DPP10: variants seen among roughly 807,000 people sequenced by gnomAD.
DPP10 encodes the protein dipeptidyl peptidase like 10, also known as inactive dipeptidyl peptidase 10.
DPP10 carries 33 observed loss-of-function variants against 120.9 expected under a neutral mutation model. The ratio of observed to expected loss-of-function variants is 0.27; its 90% CI spans 0.21 to 0.37. The LOEUF (loss-of-function observed/expected upper bound fraction) is 0.37, where lower values mean the gene tolerates loss of function less well. Ranked by LOEUF, DPP10 falls within the 10% of genes least tolerant of loss-of-function variation. The pLI is 1.00. For missense variants in DPP10, 816 were observed against 942.8 expected, an observed-to-expected ratio of 0.87 and a Z score of 1.76; for synonymous variants, 337 against 326.1, an observed-to-expected ratio of 1.03 and a Z score of -0.36.
At chr2:114,484,313 A>G (rs1423018767) in intron 1 of DPP10, among the ~76,000 whole-genome samples, 1 of 152,162 alleles carries the variant, frequency 6.6e-6, no homozygotes, top group Non-Finnish European at 1.5e-5. Flanking sequence ...ATCAGAATGT[A>G]AGTGGAAACT....
intron 1 of DPP10, among the ~76,000 whole-genome samples, chr2:115,042,422 A>G (rs1203709223): frequency 6.6e-6 from 1 of 152,006 alleles, no homozygotes; most frequent in Non-Finnish European, 1.5e-5. Flanking sequence ...ACCCACCACC[A>G]CTGCTGGCTA....
At chr2:114,471,036 C>T (rs147462799) in intron 1 of DPP10, among the ~76,000 whole-genome samples, 1 of 152,202 alleles carries the variant, frequency 6.6e-6, no homozygotes, top group East Asian at 1.9e-4. Flanking sequence ...GTAGATGAGA[C>T]AAAGTAGAAA....
chr2:115,229,711 T>G (rs1347696757), intron 1 of DPP10, among the ~76,000 whole-genome samples: 1 of 148,904 alleles, frequency 6.7e-6, no homozygotes, highest in Non-Finnish European at 1.5e-5. Context: ...TATTCTATTC[T>G]ATTCTATTCT....
intron 5 of DPP10, among the ~76,000 whole-genome samples, chr2:115,615,060 T>C (rs552296681): frequency 1.3e-5 from 2 of 152,226 alleles, no homozygotes; most frequent in East Asian, 3.9e-4. Context: ...CAACAAAATA[T>C]TTGCAAGTGA....
At chr2:114,965,980 A>G (rs1228244256) in intron 1 of DPP10, among the ~76,000 whole-genome samples, 15 of 148,034 alleles carry the variant, frequency 1.0e-4, no homozygotes, top group Admixed American at 1.3e-4. Context: ...AAAAAAAAAA[A>G]AAAAAAAGAA....
At chr2:114,574,456 A>C (rs1689903885) in intron 1 of DPP10, among the ~76,000 whole-genome samples, 1 of 152,204 alleles carries the variant, frequency 6.6e-6, no homozygotes, top group African/African-American at 2.4e-5. Flanking sequence ...CATTCTTGGC[A>C]CTGTGGACAG....
chr2:115,780,952 C>T lies in DPP10; in HGVS notation c.1440C>T (p.Ala480=). The T allele has an allele frequency of 1.3e-6, 2 of 1,599,758 alleles. No individual in the cohort carries two copies. Among genetic ancestry groups the T allele is most frequent in the South Asian group, 1.1e-5 (1 of 89,318 alleles). The change falls in exon 16 of 26, where the codon GCC becomes GCT. Residue 480 remains alanine (A), a synonymous_variant. Coordinates refer to ENST00000410059, the MANE Select transcript of DPP10 (RefSeq NM_020868.6). ...AAGAACAATGTACATATTTTGATGC[C>T]AGTTTTAGTCCCATGAATCAACATT... ...FMKEQCTYFD[A]SFSPMNQHFL...
At chr2:115,738,129 A>G (rs1020212449) in intron 8 of DPP10, among the ~76,000 whole-genome samples, 6 of 152,118 alleles carry the variant, frequency 3.9e-5, no homozygotes. Flanking sequence ...TGGGGTCCCA[A>G]TCCATCGTTA....
At chr2:115,552,794 A>T (rs1417061622) in intron 5 of DPP10, among the ~76,000 whole-genome samples, 2 of 152,090 alleles carry the variant, frequency 1.3e-5, no homozygotes, top group East Asian at 3.9e-4. Flanking sequence ...CTGGGATAGC[A>T]TTAAACATGT....
At chr2:114,730,726 TGGGA>T (rs981508896) in intron 1 of DPP10, among the ~76,000 whole-genome samples, 3 of 152,096 alleles carry the variant, frequency 2.0e-5, no homozygotes, top group African/African-American at 7.2e-5. Flanking sequence ...CCCGAGTAGC[TGGGA>T]CTACCGACAT....
At chr2:115,129,887 C>T (rs2050253194) in intron 1 of DPP10, among the ~76,000 whole-genome samples, 1 of 152,138 alleles carries the variant, frequency 6.6e-6, no homozygotes, top group South Asian at 2.1e-4. Flanking sequence ...TGGAGAAGCT[C>T]TGTTCTAAGT....
chr2:114,575,506 T>C (rs1478427977), intron 1 of DPP10, among the ~76,000 whole-genome samples: 1 of 152,216 alleles, frequency 6.6e-6, no homozygotes, highest in East Asian at 1.9e-4. Flanking sequence ...TTTCTAGTCT[T>C]TTCCACTATA....
chr2:115,631,758 G>T (rs1310002921), intron 5 of DPP10, among the ~76,000 whole-genome samples: 1 of 152,264 alleles, frequency 6.6e-6, no homozygotes, highest in South Asian at 2.1e-4. Flanking sequence ...TAATTTGATG[G>T]CACTGTGGTC....
intron 2 of DPP10, among the ~76,000 whole-genome samples, chr2:115,312,193 G>C (rs1327758762): frequency 6.6e-6 from 1 of 152,160 alleles, no homozygotes; most frequent in Non-Finnish European, 1.5e-5. Flanking sequence ...AGTGGAAAAG[G>C]TATTGCTGTA....
In DPP10 at chr2:114,468,102, G is replaced by A. The variant is rs115779349; in HGVS notation, c.60+25264G>A. Among the ~76,000 whole-genome samples the A allele has an allele frequency of 9.1e-3, 1,382 of 152,106 alleles. 15 individuals are homozygous for A. The highest frequency in any genetic ancestry group is 0.031 in the African/African-American group (1,301 of 41,496). ...TATTTTAAATATCAGGTGCTGGTAGGGTCTTTACACATATCCCTCTGATCA... is the reference window on the plus strand; with the variant it reads ...TATTTTAAATATCAGGTGCTGGTAGAGTCTTTACACATATCCCTCTGATCA... On this transcript the variant is annotated intron_variant, in intron 1 of 25. Coordinates refer to ENST00000410059, the MANE Select transcript of DPP10 (RefSeq NM_020868.6).
intron 1 of DPP10, among the ~76,000 whole-genome samples, chr2:114,624,897 C>T (rs990900842): frequency 6.6e-6 from 1 of 151,898 alleles, no homozygotes; most frequent in Non-Finnish European, 1.5e-5. Flanking sequence ...CTCCACTTAC[C>T]TCCTCTACTT....
At chr2:115,467,404 C>G (rs2105133513) in intron 3 of DPP10, among the ~76,000 whole-genome samples, 1 of 151,968 alleles carries the variant, frequency 6.6e-6, no homozygotes, top group Admixed American at 6.5e-5. Flanking sequence ...TGGTGAAACC[C>G]CATCTCTACT....
At chr2:115,647,588 A>T (rs1006187755) in intron 5 of DPP10, among the ~76,000 whole-genome samples, 1 of 152,296 alleles carries the variant, frequency 6.6e-6, no homozygotes, top group Non-Finnish European at 1.5e-5. Flanking sequence ...CTGAGGGTAC[A>T]TCTTAGTCTG....
intron 2 of DPP10, among the ~76,000 whole-genome samples, chr2:115,338,551 C>G (rs2063283231): frequency 6.6e-6 from 1 of 152,076 alleles, no homozygotes; most frequent in Admixed American, 6.6e-5. Context: ...TGAACTAACT[C>G]CTCAACTCAA....
Sources: allele counts gnomAD v4.1 joint callset (sites outside exome capture counted in the v4.1 genomes callset), GRCh38; gene constraint gnomAD v4.1.1; transcripts MANE v1.5; gene names NCBI Gene and HGNC (gene_info 2026-07-23, HGNC 2026-07-21).